Variants in JAKMIP2 observed in about 807,000 individuals in gnomAD.
JAKMIP2 encodes the protein janus kinase and microtubule interacting protein 2, also known as janus kinase and microtubule-interacting protein 2.
Under a neutral mutation model 115.0 loss-of-function variants are expected in JAKMIP2, and 25 were observed. The ratio of observed to expected loss-of-function variants is 0.22; its 90% CI spans 0.16 to 0.30. JAKMIP2 has a LOEUF of 0.30. Ranked by LOEUF, JAKMIP2 falls within the 10% of genes least tolerant of loss-of-function variation. The probability of loss-of-function intolerance (pLI) is 1.00; values close to 1 mark genes in which losing one functional copy is unlikely to be tolerated. For synonymous variants in JAKMIP2, 334 were observed against 343.6 expected, an observed-to-expected ratio of 0.97 and a Z score of 0.31; for missense variants, 642 against 957.6, an observed-to-expected ratio of 0.67 and a Z score of 4.35.
Position 147,620,547 on chromosome 5 carries a change from G to A in JAKMIP2, c.2142+119C>T, listed in dbSNP as rs539209283. ...AAATTAGATCTGAAAACCAGTAAATGAATGAACTGCATGTCGTGATCTATT... is the reference window on the plus strand; with the variant it reads ...AAATTAGATCTGAAAACCAGTAAATAAATGAACTGCATGTCGTGATCTATT... On this transcript the variant is annotated intron_variant, in intron 18 of 21. Coordinates refer to ENST00000616793, the MANE Select transcript of JAKMIP2 (RefSeq NM_001270941.2). 77 of 564,852 alleles carry A rather than the reference G, an allele frequency of 1.4e-4. 1 individual carries two copies. The South Asian group carries it at 1.6e-3, about 12-fold the overall frequency. 35.0% of individuals were successfully genotyped at this position (564,852 alleles called of 1,614,324 possible).
In JAKMIP2 at chr5:147,630,201, T is replaced by C. The variant is rs560146104; in HGVS notation, c.1876-455A>G. On this transcript the variant is annotated intron_variant, in intron 14 of 21. Coordinates refer to ENST00000616793, the MANE Select transcript of JAKMIP2 (RefSeq NM_001270941.2). ...TCTAATTAGCAAAATTCTGACCTGA[T>C]TGAATTTTGACTGCCATGTAGAAAA... Among the ~76,000 whole-genome samples, 123 of 152,264 alleles carry C rather than the reference T, an allele frequency of 8.1e-4. 1 individual carries two copies. The highest frequency in any genetic ancestry group is 2.8e-3 in the African/African-American group (117 of 41,558).
At chr5:147,656,372 A>G (rs10452518) in intron 3 of JAKMIP2, among the ~76,000 whole-genome samples, 38,458 of 152,048 alleles carry the variant, frequency 0.25, 6,157 homozygotes, top group East Asian at 0.46. Flanking sequence ...GGGTGCTCCT[A>G]TATTGGGTGC....
chr5:147,672,707 G>T (rs1255720922), intron 1 of JAKMIP2, among the ~76,000 whole-genome samples: 4 of 152,168 alleles, frequency 2.6e-5, no homozygotes, highest in Non-Finnish European at 5.9e-5. Context: ...AATAAGAAAG[G>T]CTCGCTGAAG....
At chr5:147,758,118 G>A (rs1373543376) in intron 1 of JAKMIP2, among the ~76,000 whole-genome samples, 2 of 152,062 alleles carry the variant, frequency 1.3e-5, no homozygotes, top group Admixed American at 1.3e-4. Flanking sequence ...GTTTAGTAAA[G>A]ATTCAGAAAA....
At chr5:147,697,957 C>T (rs1002222151) in intron 1 of JAKMIP2, among the ~76,000 whole-genome samples, 1 of 152,166 alleles carries the variant, frequency 6.6e-6, no homozygotes, top group Admixed American at 6.5e-5. Context: ...TCCTCCAGAC[C>T]CCAGAATGGT....
At chr5:147,747,686 T>A (rs574557618) in intron 1 of JAKMIP2, among the ~76,000 whole-genome samples, 5 of 152,264 alleles carry the variant, frequency 3.3e-5, no homozygotes, top group African/African-American at 1.2e-4. Context: ...ATGTAAGGAA[T>A]CACCAGATTC....
intron 3 of JAKMIP2, among the ~76,000 whole-genome samples, chr5:147,651,349 C>G (rs1025942595): frequency 6.6e-6 from 1 of 152,148 alleles, no homozygotes; most frequent in African/African-American, 2.4e-5. Flanking sequence ...CATTCAATAC[C>G]AGTTGATTTG....
chr5:147,631,626 G>A (rs1757354440), intron 13 of JAKMIP2, 115 bp from the exon 14 acceptor site: 2 of 563,060 alleles, frequency 3.6e-6, no homozygotes, highest in African/African-American at 1.9e-5. Flanking sequence ...TTGGCAAAAA[G>A]AAAAAAATTC....
At chr5:147,656,181 TAG>T (rs1269137825) in intron 3 of JAKMIP2, among the ~76,000 whole-genome samples, 2 of 152,236 alleles carry the variant, frequency 1.3e-5, no homozygotes, top group East Asian at 3.8e-4. Flanking sequence ...TGATCTGGAA[TAG>T]AGAGTTCTGT....
At chr5:147,728,811 TGACTTTTGAAAATTGTTCA>T (rs1753615807) in intron 1 of JAKMIP2, among the ~76,000 whole-genome samples, 1 of 152,208 alleles carries the variant, frequency 6.6e-6, no homozygotes, top group South Asian at 2.1e-4. Context: ...ACTGCTTCTC[TGACTTTTGAAAATTGTTCA>T]GCTTACCTGC....
chr5:147,764,889 G>GGAAAGAAAGAAAGAAA lies in JAKMIP2; in HGVS notation c.-149+17551_-149+17566dup, dbSNP rs758768756. On this transcript the variant is annotated intron_variant, in intron 1 of 21. Transcript: ENST00000616793. ...GACAGAGTGAGACTCTGTCTAAAAG[G>GGAAAGAAAGAAAGAAA]GAAAGAAAGAAAGAAAGAAAGAAAG... is the stretch of plus-strand genomic sequence containing the variant. Among the ~76,000 whole-genome samples, 14 of 60,516 alleles carry GGAAAGAAAGAAAGAAA rather than the reference G, an allele frequency of 2.3e-4. 1 individual carries two copies. The highest frequency in any genetic ancestry group is 1.3e-3 in the African/African-American group (13 of 10,072). 39.7% of individuals were successfully genotyped at this position (60,516 alleles called of 152,430 possible). A position where few individuals can be genotyped will look rare whatever the true frequency, so the allele number is the denominator to read the frequency against.
intron 1 of JAKMIP2, among the ~76,000 whole-genome samples, chr5:147,720,116 T>A (rs1311786875): frequency 6.6e-6 from 1 of 152,164 alleles, no homozygotes; most frequent in Non-Finnish European, 1.5e-5. Flanking sequence ...GAAGCTTAGT[T>A]TGGCTGGATA....
At chr5:147,667,779 G>C (rs1759374470) in intron 2 of JAKMIP2, among the ~76,000 whole-genome samples, 1 of 152,296 alleles carries the variant, frequency 6.6e-6, no homozygotes, top group Non-Finnish European at 1.5e-5. Flanking sequence ...TAAAGGAGTA[G>C]ATAGGAAAAT....
intron 17 of JAKMIP2, among the ~76,000 whole-genome samples, chr5:147,622,380 A>G (rs1756895463): frequency 6.6e-6 from 1 of 152,166 alleles, no homozygotes; most frequent in Admixed American, 6.5e-5. Context: ...ATGCTGCAAA[A>G]CTGAAACTAT....
chr5:147,676,495 T>C (rs1279297185), intron 1 of JAKMIP2, among the ~76,000 whole-genome samples: 1 of 152,114 alleles, frequency 6.6e-6, no homozygotes, highest in Admixed American at 6.5e-5. Flanking sequence ...AGGGCCAATC[T>C]CTACAGGAGC....
intron 18 of JAKMIP2, among the ~76,000 whole-genome samples, chr5:147,618,435 C>T (rs2126646409): frequency 6.7e-6 from 1 of 148,640 alleles, no homozygotes; most frequent in Non-Finnish European, 1.5e-5. Context: ...AGTGTGTTCT[C>T]ACTTCTACTT....
intron 1 of JAKMIP2, among the ~76,000 whole-genome samples, chr5:147,683,096 G>C (rs1387137162): frequency 6.6e-6 from 1 of 152,212 alleles, no homozygotes; most frequent in Non-Finnish European, 1.5e-5. Flanking sequence ...CTCAAACAGA[G>C]CGGGAAGCAA....
intron 19 of JAKMIP2, among the ~76,000 whole-genome samples, chr5:147,613,489 AG>A (rs1308196303): frequency 6.6e-6 from 1 of 152,210 alleles, no homozygotes; most frequent in Non-Finnish European, 1.5e-5. Flanking sequence ...TGCCCCAGCC[AG>A]GGACATTTGG....
At chr5:147,670,005 G>A (rs1255459743) in intron 2 of JAKMIP2, among the ~76,000 whole-genome samples, 3 of 152,216 alleles carry the variant, frequency 2.0e-5, no homozygotes, top group Non-Finnish European at 2.9e-5. Flanking sequence ...TAGAGACACT[G>A]TGACATTTAA....
Sources: allele counts gnomAD v4.1 joint callset (sites outside exome capture counted in the v4.1 genomes callset), GRCh38; gene constraint gnomAD v4.1.1; transcripts MANE v1.5; gene names NCBI Gene and HGNC (gene_info 2026-07-23, HGNC 2026-07-21).